The following TRAF7 variants were observed in gnomAD, a reference collection of about 807,000 sequenced individuals.
TRAF7 encodes TNF receptor associated factor 7.
Under a neutral mutation model 89.3 loss-of-function variants are expected in TRAF7, and 45 were observed. That is an observed-to-expected ratio of 0.50 (90% confidence interval 0.40 to 0.65). The LOEUF (loss-of-function observed/expected upper bound fraction) is 0.65, where lower values mean the gene tolerates loss of function less well. Ranked by LOEUF, TRAF7 falls within the 30% of genes least tolerant of loss-of-function variation. TRAF7 has a pLI of 0.00. For synonymous variants in TRAF7, 406 were observed against 369.2 expected (o/e 1.10, Z -1.14); for missense variants, 677 against 918.1 (o/e 0.74, Z 3.39).
Position 2,171,279 on chromosome 16 carries a change from GC to G in TRAF7, c.365del (p.Ala122GlyfsTer6). Reference protein sequence around the residue: ...EEEEPEPLVFAEQPSVKLCCQ... With the variant: ...EEEEPEPLVFXEQPSVKLCCQ... ...TTGGTTCCAGGAGCCACTGGTGTTT[GC>G]GGAGCAGCCCTCGGTGAAGCTGTGC... On this transcript the variant is annotated frameshift_variant, in exon 6 of 21. Transcript: ENST00000326181. LOFTEE classifies it high-confidence loss of function. 6.4e-7 allele frequency: 1 copy of G among 1,551,446 alleles called. No individual in the cohort carries two copies.
At chr16:2,160,208 G>A (rs1269278351) in intron 1 of TRAF7, among the ~76,000 whole-genome samples, 3 of 152,080 alleles carry the variant, frequency 2.0e-5, no homozygotes, top group Admixed American at 1.3e-4. Flanking sequence ...TTCAGGCGAG[G>A]TCAGGGAGGG....
intron 2 of TRAF7, 83 bp from the exon 3 acceptor site, chr16:2,165,796 G>A (rs2093083855): frequency 1.3e-6 from 2 of 1,545,368 alleles, no homozygotes; most frequent in African/African-American, 2.7e-5. Flanking sequence ...CTGGTCGCGT[G>A]TTAGGCATGT....
chr16:2,174,495 G>A lies in TRAF7; in HGVS notation c.1346+162G>A, dbSNP rs558785560. On this transcript the variant is annotated intron_variant, in intron 14 of 20. Coordinates refer to ENST00000326181, the MANE Select transcript of TRAF7 (RefSeq NM_032271.3). ...GCAGCACTGTTTCCTGGGTAGCAGT[G>A]TGTGGGCCCTTGTGTGGCCTACACC... Among the ~76,000 whole-genome samples, 8 of 152,328 alleles carry A rather than the reference G, an allele frequency of 5.3e-5. No individual in the cohort carries two copies. In the Middle Eastern group the frequency reaches 0.014, roughly 259 times the overall value.
At position 2,163,697 on chromosome 16, in the gene TRAF7, A is replaced by C. The variant is rs1343486740; in HGVS notation, c.-38-186A>C. ...GCCGCCTGCCTGCCCGGGCCTCTGCATACCTGGGATCGGGGTGAAGGACCT... is the reference window on the plus strand; with the variant it reads ...GCCGCCTGCCTGCCCGGGCCTCTGCCTACCTGGGATCGGGGTGAAGGACCT... On this transcript the variant is annotated intron_variant, in intron 1 of 20. Transcript: ENST00000326181. This position sits in a 1 kb window ranked among gnomAD's most constrained non-coding sequence, Gnocchi z 4.3. 5 of 587,086 alleles carry C rather than the reference A, an allele frequency of 8.5e-6. No individual in the cohort carries two copies. The East Asian group carries it at 1.4e-4, about 17-fold the overall frequency. The allele number at this position is 587,086 out of a possible 1,614,324, so 36.4% of individuals were successfully genotyped here. A position where few individuals can be genotyped will look rare whatever the true frequency, so the allele number is the denominator to read the frequency against.
chr16:2,163,468 G>A lies in TRAF7; in HGVS notation c.-38-415G>A, dbSNP rs540575878. ...CCTTGGCTGGTCCCTGTGTGACTGC[G>A]TCCCGCCACGTGGGCCACACCCTGG... is the stretch of plus-strand genomic sequence containing the variant. On this transcript the variant is annotated intron_variant, in intron 1 of 20. Transcript: ENST00000326181. The surrounding 1 kb of genome is among the most constrained non-coding windows in gnomAD (Gnocchi z 4.3). 10 of 195,794 alleles carry A rather than the reference G, an allele frequency of 5.1e-5. No individual in the cohort carries two copies. Among genetic ancestry groups the A allele is most frequent in the South Asian group, 2.9e-4 (4 of 13,636 alleles). 12.1% of individuals were successfully genotyped at this position (195,794 alleles called of 1,614,324 possible). A position where few individuals can be genotyped will look rare whatever the true frequency, so the allele number is the denominator to read the frequency against.
chr16:2,160,744 A>C (rs1335376248), intron 1 of TRAF7, among the ~76,000 whole-genome samples: 2 of 152,074 alleles, frequency 1.3e-5, no homozygotes, highest in Non-Finnish European at 2.9e-5. Context: ...TGGAGGGCAG[A>C]GAGGCCAGAG....
chr16:2,163,992 C>A lies in TRAF7; in HGVS notation c.72C>A (p.Val24=), dbSNP rs1258074646. The A allele has an allele frequency of 6.2e-7, 1 of 1,611,394 alleles. No homozygotes were observed. The highest frequency in any genetic ancestry group is 1.7e-5 in the Admixed American group (1 of 59,846). Residue 24 remains valine, a synonymous_variant, in exon 2 of 21, where the codon GTC becomes GTA. Coordinates refer to ENST00000326181, the MANE Select transcript of TRAF7 (RefSeq NM_032271.3). This position sits in a 1 kb window ranked among gnomAD's most constrained non-coding sequence, Gnocchi z 4.3. ...CCAGCAATCTTCCCACCCCAGACGT[C>A]ACCACAGGGGTAAGGGTGTGCCCCT... ...GGPSNLPTPD[V]TTGTRMETTF... is the part of the protein sequence containing the mutation.
In TRAF7 at chr16:2,159,509, CT is replaced by C. The variant is rs560571076; in HGVS notation, c.-39+3652del. ...TGTGGCTTTGCTATGGCAACCAGGC[CT>C]GTTTCTATAGAATTTAGCGGCCTGG... On this transcript the variant is annotated intron_variant, in intron 1 of 20. Coordinates refer to ENST00000326181, the MANE Select transcript of TRAF7 (RefSeq NM_032271.3). This position sits in a 1 kb window ranked among gnomAD's most constrained non-coding sequence, Gnocchi z 6.5. 1.3e-5 allele frequency among the ~76,000 whole-genome samples: 2 copies of C among 152,320 alleles called. No individual in the cohort carries two copies. The highest frequency in any genetic ancestry group is 4.1e-4 in the South Asian group (2 of 4,834).
chr16:2,167,999 G>A (rs751920413), intron 3 of TRAF7, 78 bp from the exon 4 acceptor site: 73 of 1,380,132 alleles, frequency 5.3e-5, no homozygotes, highest in Non-Finnish European at 6.7e-5. Flanking sequence ...CACAGGGTCG[G>A]GTATCCAGCA....
In TRAF7 at chr16:2,173,196, G is replaced by C; in HGVS notation, c.809G>C (p.Gly270Ala). 1 of 1,609,980 alleles carries C rather than the reference G, an allele frequency of 6.2e-7. No homozygotes were observed. The highest frequency in any genetic ancestry group is 1.7e-5 in the Admixed American group (1 of 59,736). ...TGTCCCCGCAGGTGCACGTTCATCG[G>C]GAACCAGGACACTTACGAGACCCAC... ...PHSKYGCTFIGNQDTYETHLE... is the reference protein window; with the variant it reads ...PHSKYGCTFIANQDTYETHLE... The change falls in exon 10 of 21, where the codon GGG becomes GCG. Residue 270 changes from glycine to alanine, a missense_variant. Gly to Ala is a moderately conservative substitution (Grantham distance 60). Coordinates refer to ENST00000326181, the MANE Select transcript of TRAF7 (RefSeq NM_032271.3).
At chr16:2,164,514 C>T (rs1281508441) in intron 2 of TRAF7, among the ~76,000 whole-genome samples, 1 of 138,276 alleles carries the variant, frequency 7.2e-6, no homozygotes, top group Non-Finnish European at 1.5e-5. Flanking sequence ...CGTGGCCTGG[C>T]CTGGTCGCAT....
chr16:2,174,102 CAT>C, intron 13 of TRAF7, 54 bp downstream of exon 13: 1 of 1,607,238 alleles, frequency 6.2e-7, no homozygotes, highest in Non-Finnish European at 8.5e-7. Flanking sequence ...GGCACTGCCA[CAT>C]GCCTGGCACT....
intron 3 of TRAF7, among the ~76,000 whole-genome samples, chr16:2,166,975 CTTT>C (rs143259821): frequency 6.6e-6 from 1 of 152,160 alleles, no homozygotes; most frequent in Non-Finnish European, 1.5e-5. Flanking sequence ...TGCTAATTAG[CTTT>C]TTAATTGCTC....
chr16:2,163,339 C>T lies in TRAF7; in HGVS notation c.-38-544C>T, dbSNP rs1441300119. ...GTGGAGTTGGGCTCCGGTGACTCAC[C>T]CTGCAGGTTCTTTCTCTGGGGTGTG... On this transcript the variant is annotated intron_variant, in intron 1 of 20. Transcript: ENST00000326181. The surrounding 1 kb of genome is among the most constrained non-coding windows in gnomAD (Gnocchi z 4.3). 6.6e-6 allele frequency among the ~76,000 whole-genome samples: 1 copy of T among 152,186 alleles called. No homozygotes were observed. The highest frequency in any genetic ancestry group is 1.5e-5 in the Non-Finnish European group (1 of 68,026).
At position 2,175,891 on chromosome 16, in the gene TRAF7, G is replaced by A. The variant is rs2093133644; in HGVS notation, c.1684G>A (p.Val562Ile). ...IHVLQTSGGSVYSIAVTNHHI... is the reference protein window; with the variant it reads ...IHVLQTSGGSIYSIAVTNHHI... ...CGTCCTGCAGACGTCTGGTGGCAGC[G>A]TCTACTCCATTGCTGTGACAAATCA... The change falls in exon 18 of 21, where the codon GTC (valine) becomes ATC (isoleucine). Residue 562 changes from valine (V) to isoleucine (I), a missense_variant. Val to Ile is a conservative substitution (Grantham distance 29). Around this residue, in one of 6 missense-constraint regions of TRAF7, gnomAD observed 160 missense variants for 263.7 expected, o/e 0.61. Coordinates refer to ENST00000326181, the MANE Select transcript of TRAF7 (RefSeq NM_032271.3). The A allele has an allele frequency of 1.2e-6, 2 of 1,613,416 alleles. No homozygotes were observed. Among genetic ancestry groups the A allele is most frequent in the East Asian group, 2.2e-5 (1 of 44,896 alleles).
rs775305214 is a variant in TRAF7, at chr16:2,176,187, G to A, written c.1878+7G>A. On this transcript the variant is annotated splice_region_variant and intron_variant, in intron 19 of 20. Transcript: ENST00000326181. ...CTACGACCGGTCCCTCAGGGTGCGT[G>A]CTGGCCCAGCGGTGGCAGGAGGCTC... 39 of 1,604,040 alleles carry A rather than the reference G, an allele frequency of 2.4e-5. No individual in the cohort carries two copies. Among genetic ancestry groups the A allele is most frequent in the Non-Finnish European group, 3.2e-5 (38 of 1,178,788 alleles).
chr16:2,164,155 TGTGTGCGC>T (rs1341695878), intron 2 of TRAF7, among the ~76,000 whole-genome samples, 154 bp downstream of exon 2: 11 of 130,538 alleles, frequency 8.4e-5, no homozygotes, highest in Non-Finnish European at 1.7e-4. Context: ...TGTGTGTGTG[TGTGTGCGC>T]GCGCGCGCGC....
rs2141294133 is a variant in TRAF7, at chr16:2,175,428, A to T, written c.1503+11A>T. On this transcript the variant is annotated intron_variant, in intron 16 of 20. Transcript: ENST00000326181. ...CTGAAGGCCATCAAGGTACGGGTGG[A>T]GGCTGTGCCTACGTGTGTGTCACTG... 1 of 1,613,172 alleles carries T rather than the reference A, an allele frequency of 6.2e-7. No individual in the cohort carries two copies. The highest frequency in any genetic ancestry group is 8.5e-7 in the Non-Finnish European group (1 of 1,179,708).
In TRAF7 at chr16:2,170,798, C is replaced by G. The variant is rs1268128840; in HGVS notation, c.348+68C>G. 3 of 1,431,406 alleles carry G rather than the reference C, an allele frequency of 2.1e-6. No individual in the cohort carries two copies. The East Asian group carries it at 7.4e-5, about 35-fold the overall frequency. The allele number at this position is 1,431,406 out of a possible 1,614,324, so 88.7% of individuals were successfully genotyped here. On this transcript the variant is annotated intron_variant, in intron 5 of 20. Transcript: ENST00000326181. ...CACCGCAGCCGTGGCACGGAGGCAC[C>G]TTCCCCTCCGCCATGCCCGCCCAGC...
Sources: allele counts gnomAD v4.1 joint callset (sites outside exome capture counted in the v4.1 genomes callset), GRCh38; gene constraint gnomAD v4.1.1; regional missense constraint gnomAD v4.1.1; non-coding constraint Gnocchi (gnomAD v3.1); transcripts MANE v1.5; gene names NCBI Gene and HGNC (gene_info 2026-07-23, HGNC 2026-07-21).